The following DYNLL1 variants were observed in gnomAD, a reference collection of about 807,000 sequenced individuals.
DYNLL1 encodes the protein dynein light chain LC8-type 1, also known as dynein light chain 1, cytoplasmic.
A neutral mutation model predicts 10.1 loss-of-function variants in DYNLL1; 3 were observed. That is an observed-to-expected ratio of 0.30 (90% confidence interval 0.14 to 0.77). DYNLL1 has a LOEUF of 0.77. Ranked by LOEUF, DYNLL1 falls within the 30% of genes least tolerant of loss-of-function variation. DYNLL1 has a pLI of 0.66. For synonymous variants in DYNLL1, 46 were observed against 41.2 expected (o/e 1.12, Z -0.45); for missense variants, 47 against 111.7 (o/e 0.42, Z 2.61).
chr12:120,490,148 T>C (rs1248011792), intron 1 of DYNLL1, among the ~76,000 whole-genome samples: 2 of 152,236 alleles, frequency 1.3e-5, no homozygotes, highest in East Asian at 3.8e-4. Flanking sequence ...AAGGAAACTT[T>C]GCCTATTTTG....
intron 1 of DYNLL1, among the ~76,000 whole-genome samples, chr12:120,482,161 T>C (rs1250741233): frequency 6.6e-6 from 1 of 152,228 alleles, no homozygotes; most frequent in African/African-American, 2.4e-5. Context: ...GTTTTGCACC[T>C]GTAGTCTCAG....
At chr12:120,497,688 A>G (rs1868497694) in intron 2 of DYNLL1, 1 of 161,388 alleles carries the variant, frequency 6.2e-6, no homozygotes, top group Admixed American at 6.4e-5. Flanking sequence ...TTTTCTTGGA[A>G]TTGGGGGCAT....
At chr12:120,492,128 G>A (rs1478423625), upstream of DYNLL1, 17 of 152,110 alleles carry the variant, frequency 1.1e-4, no homozygotes, top group Admixed American at 1.0e-3. The surrounding 1 kb of genome is among the most constrained non-coding windows in gnomAD (Gnocchi z 4.1). Flanking sequence ...ATAAAGAGAC[G>A]AACAGTTCTT....
At chr12:120,473,212 G>C (rs770993171) in intron 1 of DYNLL1, among the ~76,000 whole-genome samples, 1 of 152,124 alleles carries the variant, frequency 6.6e-6, no homozygotes, top group Non-Finnish European at 1.5e-5. Flanking sequence ...GATGTTTAGA[G>C]TCTTGAAGAA....
At chr12:120,496,950 A>G (rs1868446456) in intron 2 of DYNLL1, 3 of 236,136 alleles carry the variant, frequency 1.3e-5, no homozygotes, top group African/African-American at 7.1e-5. Context: ...GAGTTGAGGG[A>G]AGGTGGTGGG....
At chr12:120,475,516 G>C (rs1878734409) in intron 1 of DYNLL1, among the ~76,000 whole-genome samples, 2 of 152,052 alleles carry the variant, frequency 1.3e-5, no homozygotes, top group Non-Finnish European at 2.9e-5. Flanking sequence ...TTTTATTCTG[G>C]GGAGAATCTC....
chr12:120,496,413 T>C lies in DYNLL1; in HGVS notation c.-6-3T>C. 2 of 1,613,824 alleles carry C rather than the reference T, an allele frequency of 1.2e-6. No homozygotes were observed. The highest frequency in any genetic ancestry group is 1.7e-6 in the Non-Finnish European group (2 of 1,179,974). Reference sequence around the variant, plus strand: ...ACCCCTTACCCCAGGCCTTGCCCACTAGGTAACCATGTGCGACCGAAAGGC... The same window carrying C: ...ACCCCTTACCCCAGGCCTTGCCCACCAGGTAACCATGTGCGACCGAAAGGC... On this transcript the variant is annotated splice_region_variant and splice_polypyrimidine_tract_variant and intron_variant, in intron 1 of 2. Coordinates refer to ENST00000242577, the MANE Select transcript of DYNLL1 (RefSeq NM_003746.3).
Position 120,496,152 on chromosome 12 carries a change from G to C in DYNLL1, c.-71G>C. ...TTCGGTAGCGACGGTATCTCTAGCCGGGCCTGAGCTGTGCTAGCACCTCCC... is the reference window on the plus strand; with the variant it reads ...TTCGGTAGCGACGGTATCTCTAGCCCGGCCTGAGCTGTGCTAGCACCTCCC... On this transcript the variant is annotated 5_prime_UTR_variant, in exon 1 of 3. Coordinates refer to ENST00000242577, the MANE Select transcript of DYNLL1 (RefSeq NM_003746.3). 3 of 554,116 alleles carry C rather than the reference G, an allele frequency of 5.4e-6. No homozygotes were observed. The highest frequency in any genetic ancestry group is 2.2e-5 in the South Asian group (1 of 46,052). The allele number at this position is 554,116 out of a possible 1,614,324, so 34.3% of individuals were successfully genotyped here. A position where few individuals can be genotyped will look rare whatever the true frequency, so the allele number is the denominator to read the frequency against.
chr12:120,474,852 A>G (rs942552035), intron 1 of DYNLL1, among the ~76,000 whole-genome samples: 8 of 152,276 alleles, frequency 5.3e-5, no homozygotes, highest in African/African-American at 1.7e-4. Flanking sequence ...TCACTGGGAA[A>G]CGTGTTCCTG....
rs995117957 is a variant in DYNLL1 at position 120,496,140 on chromosome 12, G to C, written c.-83G>C. The C allele has an allele frequency of 4.5e-5, 24 of 535,058 alleles. No homozygotes were observed. Among genetic ancestry groups the C allele is most frequent in the Non-Finnish European group, 7.3e-5 (22 of 300,444 alleles). The allele number at this position is 535,058 out of a possible 1,614,324, so 33.1% of individuals were successfully genotyped here. ...ATGCGCCACGGTTTCGGTAGCGACGGTATCTCTAGCCGGGCCTGAGCTGTG... is the reference window on the plus strand; with the variant it reads ...ATGCGCCACGGTTTCGGTAGCGACGCTATCTCTAGCCGGGCCTGAGCTGTG... On this transcript the variant is annotated 5_prime_UTR_variant, in exon 1 of 3. Transcript: ENST00000242577.
intron 1 of DYNLL1, among the ~76,000 whole-genome samples, chr12:120,486,545 T>G (rs994013184): frequency 6.6e-6 from 1 of 152,062 alleles, no homozygotes; most frequent in African/African-American, 2.4e-5. Flanking sequence ...CATAGCTCAC[T>G]GCAGCCTTGA....
chr12:120,476,842 C>G (rs1878763976), intron 1 of DYNLL1, among the ~76,000 whole-genome samples: 1 of 152,114 alleles, frequency 6.6e-6, no homozygotes. Context: ...GAACTCCCAA[C>G]CTCAGGTGGT....
rs533737976 is a variant in DYNLL1 at position 120,477,578 on chromosome 12, C to T, written c.-7+7474C>T. Among the ~76,000 whole-genome samples the T allele has an allele frequency of 2.1e-4, 32 of 151,278 alleles. No homozygotes were observed. In the South Asian group the frequency reaches 6.1e-3, roughly 29 times the overall value. On this transcript the variant is annotated intron_variant, in intron 1 of 2. Coordinates refer to the DYNLL1 transcript ENST00000392509. ...CCAGCCTAGGAAACCTAGTAGATCC[C>T]GTCTCTACAAAAAAAATAAATAAAT...
At chr12:120,492,206 T>C (rs1333580008), upstream of DYNLL1, 1 of 152,234 alleles carries the variant, frequency 6.6e-6, no homozygotes, top group Non-Finnish European at 1.5e-5. The surrounding 1 kb of genome is among the most constrained non-coding windows in gnomAD (Gnocchi z 4.1). Context: ...TGGTAAGGTC[T>C]CAATATACAG....
At chr12:120,496,248 C>T (rs1868391411) in intron 1 of DYNLL1, 32 bp downstream of exon 1, 14 of 988,586 alleles carry the variant, frequency 1.4e-5, no homozygotes, top group Admixed American at 2.7e-5. Flanking sequence ...GGGGTGTCCT[C>T]GCTGCCTTAT....
chr12:120,493,948 T>G (rs1361039873), upstream of DYNLL1: 1 of 151,984 alleles, frequency 6.6e-6, no homozygotes, highest in Non-Finnish European at 1.5e-5. Flanking sequence ...AACAATTACA[T>G]TACTATATTA....
At chr12:120,485,861 A>AAC (rs903047495) in intron 1 of DYNLL1, among the ~76,000 whole-genome samples, 7 of 151,274 alleles carry the variant, frequency 4.6e-5, no homozygotes, top group Non-Finnish European at 1.0e-4. Flanking sequence ...AAAAAAAAAA[A>AAC]AGATACATAC....
At chr12:120,493,967 GTAT>G (rs1167607374), upstream of DYNLL1, 1 of 151,902 alleles carries the variant, frequency 6.6e-6, no homozygotes, top group African/African-American at 2.4e-5. Flanking sequence ...TATGATGATA[GTAT>G]TATTATAGTA....
intron 2 of DYNLL1, 103 bp downstream of exon 2, chr12:120,496,656 G>A: frequency 1.6e-5 from 25 of 1,593,396 alleles, no homozygotes; most frequent in Non-Finnish European, 2.0e-5. Flanking sequence ...GAATACTGCT[G>A]GCGGCTTGGG....
Sources: gnomAD v4.1 joint callset for allele counts (sites outside exome capture counted in the v4.1 genomes callset) on GRCh38, gnomAD v4.1.1 for gene constraint, Gnocchi (gnomAD v3.1) non-coding constraint, MANE v1.5 for transcripts, NCBI Gene and HGNC (gene_info 2026-07-23, HGNC 2026-07-21) for gene names.